The following INSL6 variants were observed in gnomAD, a reference collection of about 807,000 sequenced individuals.
INSL6 encodes insulin like 6, also known as insulin-like peptide INSL6.
In INSL6, 16 loss-of-function variants were observed where a neutral mutation model predicts 9.4. The observed-to-expected ratio is 1.70, with a 90% CI of 1.15 to 2.59. The LOEUF (loss-of-function observed/expected upper bound fraction) is 2.59, where lower values mean the gene tolerates loss of function less well. Among genes scored for constraint, INSL6 ranks in the 30% most tolerant of loss-of-function variants. The pLI, the probability that INSL6 is intolerant of heterozygous loss-of-function variation, is 0.00. For missense variants in INSL6, 391 were observed against 257.3 expected (o/e 1.52, Z -3.56); for synonymous variants, 154 against 96.9 (o/e 1.59, Z -3.46).
At chr9:5,141,738 C>A (rs902955586) in intron 2 of INSL6, among the ~76,000 whole-genome samples, 2 of 152,150 alleles carry the variant, frequency 1.3e-5, no homozygotes, top group Non-Finnish European at 2.9e-5. Context: ...TCCCATTTAT[C>A]AATTTTTGCT....
the INSL6 span, chr9:5,078,256 C>G: frequency 4.0e-6 from 6 of 1,485,810 alleles, no homozygotes; most frequent in Admixed American, 1.8e-5. Context: ...ACTAAATGCT[C>G]CAGTACTTGT....
chr9:5,070,879 C>T, the INSL6 span, among the ~76,000 whole-genome samples: 3 of 152,106 alleles, frequency 2.0e-5, no homozygotes, highest in Non-Finnish European at 4.4e-5. Flanking sequence ...TTTAAAAGGG[C>T]CAGGTCTCAG....
the INSL6 span, among the ~76,000 whole-genome samples, chr9:4,996,925 GTTC>G: frequency 8.3e-6 from 1 of 119,804 alleles, no homozygotes; most frequent in Non-Finnish European, 1.8e-5. Flanking sequence ...CTGTTAGTTT[GTTC>G]TTTTTTTTTT....
chr9:5,154,935 G>C (rs557690142), intron 2 of INSL6, among the ~76,000 whole-genome samples: 3 of 152,174 alleles, frequency 2.0e-5, no homozygotes, highest in African/African-American at 7.2e-5. Context: ...CAGGGATCCA[G>C]AACTAGAAAT....
intron 1 of INSL6, among the ~76,000 whole-genome samples, chr9:5,181,556 G>A (rs562627184): frequency 9.3e-4 from 141 of 151,876 alleles, no homozygotes; most frequent in Non-Finnish European, 1.5e-3. Flanking sequence ...AAACTGAAAA[G>A]TTAACAGAAG....
downstream of INSL6, among the ~76,000 whole-genome samples, chr9:5,120,210 G>C (rs902850709): frequency 6.6e-6 from 1 of 152,168 alleles, no homozygotes; most frequent in Non-Finnish European, 1.5e-5. Flanking sequence ...GTGGAAGGGC[G>C]AGAGGGGCCA....
the INSL6 span, among the ~76,000 whole-genome samples, chr9:5,107,237 T>C: frequency 6.6e-6 from 1 of 152,134 alleles, no homozygotes; most frequent in South Asian, 2.1e-4. Flanking sequence ...AACCTGACAC[T>C]AGCCTTAGTA....
At chr9:5,183,308 CTG>C (rs1825498657) in intron 1 of INSL6, among the ~76,000 whole-genome samples, 1 of 152,144 alleles carries the variant, frequency 6.6e-6, no homozygotes. Context: ...TGTGGTTTTA[CTG>C]TTACATAGTA....
chr9:5,062,381 T>G, the INSL6 span, among the ~76,000 whole-genome samples: 1 of 151,774 alleles, frequency 6.6e-6, no homozygotes, highest in Non-Finnish European at 1.5e-5. Flanking sequence ...GTAATAAAGT[T>G]TAAATTTTGT....
chr9:4,997,240 C>G, the INSL6 span, among the ~76,000 whole-genome samples: 1 of 152,142 alleles, frequency 6.6e-6, no homozygotes, highest in East Asian at 1.9e-4. Flanking sequence ...GCCTGTTAGT[C>G]TGTTCTTGCA....
chr9:5,004,626 AT>A, the INSL6 span, among the ~76,000 whole-genome samples: 1 of 151,766 alleles, frequency 6.6e-6, no homozygotes, highest in African/African-American at 2.4e-5. Context: ...TTGACATATT[AT>A]TTTTAGTTCC....
the INSL6 span, among the ~76,000 whole-genome samples, chr9:5,045,795 C>T: frequency 2.0e-5 from 3 of 152,148 alleles, no homozygotes; most frequent in Non-Finnish European, 4.4e-5. Flanking sequence ...ATGTATACTG[C>T]ATTTTATTTG....
chr9:5,162,002 C>A (rs1279086092), downstream of INSL6, among the ~76,000 whole-genome samples: 1 of 151,880 alleles, frequency 6.6e-6, no homozygotes, highest in Middle Eastern at 3.2e-3. Flanking sequence ...TCACTTGAGC[C>A]CAGGAGGTTG....
At chr9:5,131,556 G>A (rs1408872041) in intron 3 of INSL6, among the ~76,000 whole-genome samples, 1 of 149,888 alleles carries the variant, frequency 6.7e-6, no homozygotes, top group East Asian at 2.0e-4. Context: ...TCCTGCCTCA[G>A]TCTCCCGAGT....
chr9:5,163,370 T>C (rs1462288998), downstream of INSL6, among the ~76,000 whole-genome samples: 1 of 152,220 alleles, frequency 6.6e-6, no homozygotes, highest in Non-Finnish European at 1.5e-5. Context: ...TTAGATTCAC[T>C]AAACTCTCTT....
At chr9:5,062,500 T>TAAAAAAAAAAAAAAAAAAA in the INSL6 span, among the ~76,000 whole-genome samples, 33 of 58,234 alleles carry the variant, frequency 5.7e-4, 5 homozygotes, top group African/African-American at 3.3e-3. Context: ...CTTCCATTTG[T>TAAAAAAAAAAAAAAAAAAA]AAAAAAAAAA....
intron 2 of INSL6, among the ~76,000 whole-genome samples, chr9:5,151,397 T>TATATAAATA (rs1824710349): frequency 6.6e-6 from 1 of 152,026 alleles, no homozygotes; most frequent in South Asian, 2.1e-4. Flanking sequence ...TCATTAAAAG[T>TATATAAATA]ATATAAATAA....
intron 3 of INSL6, chr9:5,126,481 A>G: frequency 1.4e-6 from 2 of 1,404,876 alleles, no homozygotes; most frequent in Non-Finnish European, 2.0e-6. Context: ...GTAGTCATGC[A>G]TTTTCTTTTA....
chr9:5,120,803 T>C (rs10815161), downstream of INSL6, among the ~76,000 whole-genome samples: 26,004 of 152,158 alleles, frequency 0.17, 2,582 homozygotes, highest in Middle Eastern at 0.23. Flanking sequence ...GAGTGAAAGA[T>C]GCGTCAAAAA....
Sources: allele counts gnomAD v4.1 joint callset (sites outside exome capture counted in the v4.1 genomes callset), GRCh38; gene constraint gnomAD v4.1.1; transcripts MANE v1.5; gene names NCBI Gene and HGNC (gene_info 2026-07-23, HGNC 2026-07-21).